PEAK1: variants seen among roughly 807,000 people sequenced by gnomAD.
PEAK1 encodes the protein inactive tyrosine-protein kinase PEAK1.
PEAK1 carries 54 observed loss-of-function variants against 124.7 expected under a neutral mutation model. The observed-to-expected ratio is 0.43, with a 90% CI of 0.35 to 0.54. PEAK1 has a LOEUF of 0.54. Ranked by LOEUF, PEAK1 falls within the 20% of genes least tolerant of loss-of-function variation. The pLI is 0.01. For missense variants in PEAK1, 2,046 were observed against 2,134.5 expected (o/e 0.96, Z 0.82); for synonymous variants, 719 against 760.0 (o/e 0.95, Z 0.89).
chr15:77,394,534 C>T (rs4886865), intron 1 of PEAK1, among the ~76,000 whole-genome samples: 33,642 of 152,138 alleles, frequency 0.22, 4,182 homozygotes, highest in Middle Eastern at 0.3. Context: ...ACCAAGGCAG[C>T]ACCTCTATGG....
intron 2 of PEAK1, among the ~76,000 whole-genome samples, chr15:77,311,084 G>A (rs753921153): frequency 6.6e-6 from 1 of 152,302 alleles, no homozygotes; most frequent in East Asian, 1.9e-4. Context: ...GATTTCACAA[G>A]TTATTAAAGT....
At chr15:77,384,012 C>G (rs1453072776) in intron 1 of PEAK1, among the ~76,000 whole-genome samples, 1 of 152,078 alleles carries the variant, frequency 6.6e-6, no homozygotes. Flanking sequence ...TAAACTCTAA[C>G]AAAATGATTT....
exon 7 of PEAK1, chr15:77,103,001 T>C (rs943837095): frequency 3.3e-5 from 5 of 152,240 alleles, no homozygotes; most frequent in Non-Finnish European, 5.9e-5. Flanking sequence ...TTTCTCATAT[T>C]TTGTTGTTTA....
intron 2 of PEAK1, among the ~76,000 whole-genome samples, chr15:77,320,478 G>C (rs2065133033): frequency 6.6e-6 from 1 of 152,100 alleles, no homozygotes; most frequent in Non-Finnish European, 1.5e-5. Context: ...CTGTTTACTA[G>C]AATCTTACTT....
At chr15:77,392,081 T>C (rs538946423) in intron 1 of PEAK1, among the ~76,000 whole-genome samples, 1 of 152,316 alleles carries the variant, frequency 6.6e-6, no homozygotes, top group African/African-American at 2.4e-5. Flanking sequence ...ATTAACTTCC[T>C]GGGCAGTGAG....
intron 6 of PEAK1, among the ~76,000 whole-genome samples, chr15:77,197,117 T>C (rs916513750): frequency 1.3e-5 from 2 of 151,980 alleles, no homozygotes; most frequent in African/African-American, 4.8e-5. Flanking sequence ...CCTCCCATAG[T>C]GCCGGGATTA....
intron 5 of PEAK1, among the ~76,000 whole-genome samples, chr15:77,264,774 CA>C (rs1265634787): frequency 1.3e-5 from 2 of 151,866 alleles, no homozygotes; most frequent in Non-Finnish European, 2.9e-5. Context: ...CATATGAAAC[CA>C]AAAAAGAGCC....
Position 77,181,930 on chromosome 15 carries a change from T to A in PEAK1, c.-4A>T. 4.5e-6 allele frequency: 7 copies of A among 1,539,550 alleles called. No homozygotes were observed. Among genetic ancestry groups the A allele is most frequent in the Non-Finnish European group, 6.1e-6 (7 of 1,145,250 alleles). ...TAAAGGTGTTACAAGCAGACATTTT[T>A]AAAAATAGAACTTCACAGACAATGC... is the stretch of plus-strand genomic sequence containing the variant. On this transcript the variant is annotated 5_prime_UTR_variant, in exon 7 of 10. An upstream open reading frame in the 5' UTR loses its in-frame stop. Transcript: ENST00000682557.
chr15:77,392,708 T>C (rs995225714), intron 1 of PEAK1, among the ~76,000 whole-genome samples: 2 of 152,204 alleles, frequency 1.3e-5, no homozygotes, highest in Non-Finnish European at 2.9e-5. Flanking sequence ...CCAGGTCTTG[T>C]TGAGGAGGCG....
intron 2 of PEAK1, among the ~76,000 whole-genome samples, chr15:77,353,294 G>A (rs1567297509): frequency 1.3e-5 from 2 of 152,168 alleles, no homozygotes; most frequent in Non-Finnish European, 2.9e-5. Flanking sequence ...TGACTTCCAA[G>A]GTTATGTCGA....
At chr15:77,338,013 A>G in intron 2 of PEAK1, 1 of 983,994 alleles carries the variant, frequency 1.0e-6, no homozygotes, top group Non-Finnish European at 1.2e-6. Context: ...TGAGGTAAAA[A>G]GAGGTCATTA....
chr15:77,321,294 T>C (rs1315064004), intron 2 of PEAK1, among the ~76,000 whole-genome samples: 1 of 152,232 alleles, frequency 6.6e-6, no homozygotes, highest in Non-Finnish European at 1.5e-5. Context: ...AAAGTGTTCC[T>C]ATTTCTCCAC....
At chr15:77,304,086 C>T (rs949608861) in intron 2 of PEAK1, among the ~76,000 whole-genome samples, 1 of 152,178 alleles carries the variant, frequency 6.6e-6, no homozygotes, top group Non-Finnish European at 1.5e-5. Flanking sequence ...TCTTGATTAT[C>T]GTGGCCTTAC....
chr15:77,381,378 G>T (rs1028328759), intron 1 of PEAK1: 1 of 784,846 alleles, frequency 1.3e-6, no homozygotes, highest in Non-Finnish European at 1.5e-6. Flanking sequence ...TGGTGCCTGT[G>T]AATAGCCACT....
intron 6 of PEAK1, among the ~76,000 whole-genome samples, chr15:77,211,252 C>T (rs1361293625): frequency 2.0e-5 from 3 of 152,090 alleles, no homozygotes; most frequent in Non-Finnish European, 4.4e-5. Flanking sequence ...CATATTACTT[C>T]GCAAGGCATG....
At chr15:77,189,439 ACAGCAGCAG>A (rs145143746) in intron 6 of PEAK1, among the ~76,000 whole-genome samples, 1 of 151,386 alleles carries the variant, frequency 6.6e-6, no homozygotes, top group South Asian at 2.1e-4. Flanking sequence ...GACAGTCCAC[ACAGCAGCAG>A]CAGCAGCAGC....
chr15:77,182,770 G>T (rs1280325041), intron 6 of PEAK1, among the ~76,000 whole-genome samples: 5 of 55,448 alleles, frequency 9.0e-5, no homozygotes, highest in Non-Finnish European at 2.0e-4. Flanking sequence ...AAAAAAAAAA[G>T]GCTGAAAAGG....
intron 6 of PEAK1, among the ~76,000 whole-genome samples, chr15:77,216,893 G>A (rs372993040): frequency 6.6e-6 from 1 of 152,046 alleles, no homozygotes; most frequent in Non-Finnish European, 1.5e-5. Context: ...GCGTTTCTTC[G>A]AAGAATTGTA....
chr15:77,213,534 C>T (rs922377452), intron 6 of PEAK1, among the ~76,000 whole-genome samples: 1 of 151,964 alleles, frequency 6.6e-6, no homozygotes, highest in Non-Finnish European at 1.5e-5. Context: ...ACTAAAACTA[C>T]AAAAATTAGC....
Sources: allele counts gnomAD v4.1 joint callset (sites outside exome capture counted in the v4.1 genomes callset), GRCh38; gene constraint gnomAD v4.1.1; transcripts MANE v1.5; gene names NCBI Gene and HGNC (gene_info 2026-07-23, HGNC 2026-07-21).